Variants in SFMBT2 observed in about 807,000 individuals in gnomAD.
SFMBT2 encodes Scm like with four mbt domains 2.
Under a neutral mutation model 110.1 loss-of-function variants are expected in SFMBT2, and 38 were observed. The observed-to-expected ratio is 0.35, with a 90% CI of 0.27 to 0.45. The LOEUF (loss-of-function observed/expected upper bound fraction) is 0.45. SFMBT2 is among the 20% of genes least tolerant of loss of function. The pLI, the probability that SFMBT2 is intolerant of heterozygous loss-of-function variation, is 1.00. For missense variants in SFMBT2, 1,011 were observed against 1,094.9 expected (o/e 0.92, Z 1.08); for synonymous variants, 425 against 425.4 (o/e 1.00, Z 0.01).
rs1837909714 is a variant in SFMBT2 at position 7,172,446 on chromosome 10, G to A, written c.2151+49C>T. On this transcript the variant is annotated intron_variant, in intron 18 of 20. Coordinates refer to ENST00000397167, the MANE Select transcript of SFMBT2 (RefSeq NM_001387889.1). The surrounding 1 kb of genome is among the most constrained non-coding windows in gnomAD (Gnocchi z 4.6). ...TGAAGCAGCCACACTTGCCGGCCAG[G>A]GCCAGATGACAGAGCTACAGGCTGG... is the stretch of plus-strand genomic sequence containing the variant. 1 of 1,611,392 alleles carries A rather than the reference G, an allele frequency of 6.2e-7. No individual in the cohort carries two copies. Among genetic ancestry groups the A allele is most frequent in the African/African-American group, 1.3e-5 (1 of 74,880 alleles).
chr10:7,221,319 C>T (rs1290241871), intron 10 of SFMBT2, among the ~76,000 whole-genome samples: 1 of 151,940 alleles, frequency 6.6e-6, no homozygotes, highest in East Asian at 2.0e-4. Context: ...GTAATCCCAG[C>T]ACTTTAGGAG....
At chr10:7,342,083 T>TAAAAAAAAAAAAAAAAAAAAA (rs34326199) in intron 4 of SFMBT2, among the ~76,000 whole-genome samples, 1 of 136,302 alleles carries the variant, frequency 7.3e-6, no homozygotes. Flanking sequence ...ACTGCCTCAT[T>TAAAAAAAAAAAAAAAAAAAAA]AAAAAAAAAA....
chr10:7,189,347 C>T (rs1231916579), intron 15 of SFMBT2: 1 of 199,362 alleles, frequency 5.0e-6, no homozygotes, highest in African/African-American at 2.4e-5. Flanking sequence ...CCCCTCACTC[C>T]CAAGTCCAAG....
intron 1 of SFMBT2, among the ~76,000 whole-genome samples, chr10:7,397,734 C>T (rs1463984084): frequency 6.6e-6 from 1 of 152,250 alleles, no homozygotes; most frequent in African/African-American, 2.4e-5. Context: ...CCAGGAAGAA[C>T]CGCATCTGTA....
intron 4 of SFMBT2, among the ~76,000 whole-genome samples, chr10:7,324,629 C>G (rs989530942): frequency 1.3e-5 from 2 of 152,190 alleles, no homozygotes; most frequent in Admixed American, 6.5e-5. Flanking sequence ...CTAGAAGAAA[C>G]TTGTATTAGT....
At position 7,171,311 on chromosome 10, in the gene SFMBT2, T is replaced by C; in HGVS notation, c.2416-255A>G. The C allele has an allele frequency of 1.1e-6, 1 of 908,282 alleles. No individual in the cohort carries two copies. Among genetic ancestry groups the C allele is most frequent in the South Asian group, 5.1e-5 (1 of 19,736 alleles). 56.3% of individuals were successfully genotyped at this position (908,282 alleles called of 1,614,324 possible). Reference sequence around the variant, plus strand: ...ACAGTGACAGTCGCTCTTGCATCCCTAGTTCAGGAAACCTTGGGCCTGCTT... The same window carrying C: ...ACAGTGACAGTCGCTCTTGCATCCCCAGTTCAGGAAACCTTGGGCCTGCTT... On this transcript the variant is annotated intron_variant, in intron 19 of 20. Transcript: ENST00000397167. The surrounding 1 kb of genome is among the most constrained non-coding windows in gnomAD (Gnocchi z 4.9).
chr10:7,390,064 T>C (rs1845725355), intron 1 of SFMBT2, among the ~76,000 whole-genome samples: 1 of 152,178 alleles, frequency 6.6e-6, no homozygotes, highest in Admixed American at 6.5e-5. Context: ...GTTGAATGCA[T>C]CTAGACCAGC....
chr10:7,226,634 T>C (rs1429016116), intron 10 of SFMBT2, among the ~76,000 whole-genome samples: 2 of 152,254 alleles, frequency 1.3e-5, no homozygotes, highest in African/African-American at 4.8e-5. Context: ...CAGTAGACTA[T>C]ACATTTAAGC....
chr10:7,316,726 C>T (rs1031751004), intron 4 of SFMBT2, among the ~76,000 whole-genome samples: 1 of 152,140 alleles, frequency 6.6e-6, no homozygotes, highest in Admixed American at 6.6e-5. Flanking sequence ...CCTTTCTGGC[C>T]TGCCAAGATG....
chr10:7,399,704 A>G (rs928076625), intron 1 of SFMBT2, among the ~76,000 whole-genome samples: 3 of 152,192 alleles, frequency 2.0e-5, no homozygotes, highest in Admixed American at 6.5e-5. Flanking sequence ...ATGGTAACTA[A>G]CGTCTTATCA....
rs1588518583 is a variant in SFMBT2, at chr10:7,408,271, C to T, written c.-52+2590G>A. ...ACGCAGGCTGGAGGAGCCACGGACG[C>T]GTCCTGGCCGGCGTGTCGCCATCGT... On this transcript the variant is annotated intron_variant, in intron 1 of 20. Transcript: ENST00000397167. This position sits in a 1 kb window ranked among gnomAD's most constrained non-coding sequence, Gnocchi z 5.7. 6.6e-6 allele frequency among the ~76,000 whole-genome samples: 1 copy of T among 152,324 alleles called. No individual in the cohort carries two copies. Among genetic ancestry groups the T allele is most frequent in the East Asian group, 1.9e-4 (1 of 5,158 alleles).
intron 7 of SFMBT2, among the ~76,000 whole-genome samples, chr10:7,266,634 A>G (rs1372112096): frequency 6.6e-6 from 1 of 152,194 alleles, no homozygotes; most frequent in African/African-American, 2.4e-5. Flanking sequence ...GGCAGGAGCA[A>G]AAGTGGGGCT....
chr10:7,386,222 T>C (rs1358197594), intron 1 of SFMBT2, among the ~76,000 whole-genome samples: 8 of 152,194 alleles, frequency 5.3e-5, no homozygotes, highest in Non-Finnish European at 1.0e-4. Context: ...TCGAGACATT[T>C]AAAGAACACA....
chr10:7,318,871 T>C (rs1843090772), intron 4 of SFMBT2, among the ~76,000 whole-genome samples: 1 of 152,218 alleles, frequency 6.6e-6, no homozygotes, highest in Non-Finnish European at 1.5e-5. Flanking sequence ...AAAAATGACA[T>C]TTTAGCAGAG....
intron 9 of SFMBT2, among the ~76,000 whole-genome samples, chr10:7,232,019 G>A (rs1840120359): frequency 6.6e-6 from 1 of 152,154 alleles, no homozygotes; most frequent in African/African-American, 2.4e-5. Context: ...GAGGGAGGGA[G>A]GAAAACAGCA....
intron 1 of SFMBT2, among the ~76,000 whole-genome samples, chr10:7,397,685 G>A (rs1009479709): frequency 1.3e-5 from 2 of 152,218 alleles, no homozygotes; most frequent in African/African-American, 4.8e-5. Flanking sequence ...ATGTTCCTAA[G>A]AAGCAGCATA....
chr10:7,229,351 C>A (rs181274454), intron 9 of SFMBT2, among the ~76,000 whole-genome samples: 85 of 152,078 alleles, frequency 5.6e-4, no homozygotes, highest in African/African-American at 2.0e-3. Flanking sequence ...GAGGCCGAGG[C>A]GGGTGGATCA....
chr10:7,391,561 G>A (rs1463540255), intron 1 of SFMBT2, among the ~76,000 whole-genome samples: 1 of 151,868 alleles, frequency 6.6e-6, no homozygotes, highest in Non-Finnish European at 1.5e-5. Flanking sequence ...CGTCCACCCA[G>A]GTGACTGCAA....
chr10:7,405,837 C>A (rs891732416), intron 1 of SFMBT2, among the ~76,000 whole-genome samples: 1 of 138,628 alleles, frequency 7.2e-6, no homozygotes, highest in East Asian at 2.6e-4. Context: ...CCCCGACCCC[C>A]GCTCTCTCTG....
Sources: allele counts gnomAD v4.1 joint callset (sites outside exome capture counted in the v4.1 genomes callset), GRCh38; gene constraint gnomAD v4.1.1; non-coding constraint Gnocchi (gnomAD v3.1); transcripts MANE v1.5; gene names NCBI Gene and HGNC (gene_info 2026-07-23, HGNC 2026-07-21).